WDR86: variants seen among roughly 807,000 people sequenced by gnomAD.
The protein encoded by WDR86 is WD repeat domain 86.
In WDR86, 30 loss-of-function variants were observed where a neutral mutation model predicts 36.5. That is an observed-to-expected ratio of 0.82 (90% CI 0.61 to 1.11). The LOEUF (loss-of-function observed/expected upper bound fraction) is 1.11. Ranked by LOEUF, WDR86 falls within the 50% of genes most tolerant of loss-of-function variation. WDR86 has a pLI of 0.00. For synonymous variants in WDR86, 255 were observed against 252.9 expected (o/e 1.01, Z -0.08); for missense variants, 545 against 561.2 (o/e 0.97, Z 0.29).
In WDR86 at chr7:151,406,499, C is replaced by T. The variant is rs758053681; in HGVS notation, c.163+2928G>A. On this transcript the variant is annotated intron_variant, in intron 1 of 5. Coordinates refer to ENST00000334493, the MANE Select transcript of WDR86 (RefSeq NM_198285.3). This position sits in a 1 kb window ranked among gnomAD's most constrained non-coding sequence, Gnocchi z 4.4. ...GCCCAGAGCTGTGCAAGGGCCAGGACGGAACCAAAGTGGAAAGAGATCTAG... is the reference window on the plus strand; with the variant it reads ...GCCCAGAGCTGTGCAAGGGCCAGGATGGAACCAAAGTGGAAAGAGATCTAG... Among the ~76,000 whole-genome samples, 6 of 152,140 alleles carry T rather than the reference C, an allele frequency of 3.9e-5. No individual in the cohort carries two copies. Among genetic ancestry groups the T allele is most frequent in the African/African-American group, 7.2e-5 (3 of 41,420 alleles).
chr7:151,407,502 C>T (rs1259287059), intron 1 of WDR86, among the ~76,000 whole-genome samples: 4 of 152,166 alleles, frequency 2.6e-5, no homozygotes, highest in East Asian at 1.9e-4. Context: ...CAGGGGCTCC[C>T]GGGGCCAGCT....
chr7:151,399,806 G>A (rs1163142727), intron 2 of WDR86, among the ~76,000 whole-genome samples: 1 of 152,228 alleles, frequency 6.6e-6, no homozygotes, highest in African/African-American at 2.4e-5. Flanking sequence ...GTAGGCTCTG[G>A]TGCTTTTCCC....
chr7:151,389,453 A>G (rs905764484), intron 3 of WDR86, among the ~76,000 whole-genome samples: 39 of 152,332 alleles, frequency 2.6e-4, no homozygotes, highest in African/African-American at 9.1e-4. Context: ...CGGCTCACTC[A>G]GGGTCCCAGC....
intron 1 of WDR86, among the ~76,000 whole-genome samples, chr7:151,408,016 C>T (rs1800848623): frequency 6.6e-6 from 1 of 152,014 alleles, no homozygotes; most frequent in Admixed American, 6.5e-5. Context: ...TAAAAGACCT[C>T]ATATTTTCCA....
chr7:151,388,321 A>G lies in WDR86; in HGVS notation c.727-3098T>C, dbSNP rs550069801. Reference sequence around the variant, plus strand: ...TTTACATTTGAAATGTTTTATAACTAAAATGTTTAAAACATCTCTGTAAAA... The same window carrying G: ...TTTACATTTGAAATGTTTTATAACTGAAATGTTTAAAACATCTCTGTAAAA... On this transcript the variant is annotated intron_variant, in intron 3 of 5. Coordinates refer to ENST00000334493, the MANE Select transcript of WDR86 (RefSeq NM_198285.3). The surrounding 1 kb of genome is among the most constrained non-coding windows in gnomAD (Gnocchi z 4.2). Among the ~76,000 whole-genome samples the G allele has an allele frequency of 6.6e-6, 1 of 152,400 alleles. No homozygotes were observed. The highest frequency in any genetic ancestry group is 1.5e-5 in the Non-Finnish European group (1 of 68,042).
downstream of WDR86, among the ~76,000 whole-genome samples, chr7:151,371,880 A>AT: frequency 6.6e-6 from 1 of 151,938 alleles, no homozygotes; most frequent in South Asian, 2.1e-4. Flanking sequence ...GCTGATTTTT[A>AT]TTTTTTTGTA....
At position 151,394,102 on chromosome 7, in the gene WDR86, G is replaced by A. The variant is rs144170609; in HGVS notation, c.726+1674C>T. ...CGGACAGACCCTGTGAGATGGGCCC[G>A]GACTGCTGTGCCCCTTCCCCACGAC... On this transcript the variant is annotated intron_variant, in intron 3 of 5. Transcript: ENST00000334493. Among the ~76,000 whole-genome samples the A allele has an allele frequency of 1.6e-4, 24 of 152,194 alleles. No individual in the cohort carries two copies. The East Asian group carries it at 3.3e-3, about 21-fold the overall frequency.
chr7:151,408,893 C>T, intron 1 of WDR86: 1 of 470,892 alleles, frequency 2.1e-6, no homozygotes, highest in Non-Finnish European at 4.4e-6. Flanking sequence ...TTACTTAACT[C>T]CCAGCCTGTT....
downstream of WDR86, among the ~76,000 whole-genome samples, chr7:151,379,164 G>A (rs1798445631): frequency 6.6e-6 from 1 of 152,216 alleles, no homozygotes; most frequent in Non-Finnish European, 1.5e-5. Context: ...GACAGTCTGA[G>A]TGTGACATGT....
Position 151,390,296 on chromosome 7 carries a change from C to G in WDR86, c.727-5073G>C, listed in dbSNP as rs771762053. Among the ~76,000 whole-genome samples, 13 of 152,268 alleles carry G rather than the reference C, an allele frequency of 8.5e-5. No homozygotes were observed. The highest frequency in any genetic ancestry group is 6.5e-4 in the Admixed American group (10 of 15,298). On this transcript the variant is annotated intron_variant, in intron 3 of 5. Transcript: ENST00000334493. This position sits in a 1 kb window ranked among gnomAD's most constrained non-coding sequence, Gnocchi z 4.5. Reference sequence around the variant, plus strand: ...AGCCCAGAGCTCACTGCACACCCCCCACATCAGGACCCCATCTGGCCACGC... The same window carrying G: ...AGCCCAGAGCTCACTGCACACCCCCGACATCAGGACCCCATCTGGCCACGC...
intron 3 of WDR86, among the ~76,000 whole-genome samples, 178 bp downstream of exon 3, chr7:151,395,598 G>T (rs1799760353): frequency 6.6e-6 from 1 of 152,096 alleles, no homozygotes; most frequent in South Asian, 2.1e-4. Flanking sequence ...AACCAGTACT[G>T]CGGACCCCTT....
intron 4 of WDR86, among the ~76,000 whole-genome samples, chr7:151,383,745 C>T (rs1174311988): frequency 6.6e-6 from 1 of 152,230 alleles, no homozygotes; most frequent in Non-Finnish European, 1.5e-5. Context: ...GCCTGGAAAA[C>T]CCAGTGTGGC....
At chr7:151,410,228 C>T (rs1169543048), upstream of WDR86, among the ~76,000 whole-genome samples, 4 of 152,138 alleles carry the variant, frequency 2.6e-5, no homozygotes. Flanking sequence ...CTGCCACCTC[C>T]GCCGCCGCCG....
Position 151,406,423 on chromosome 7 carries a change from C to T in WDR86, c.163+3004G>A, listed in dbSNP as rs1800708732. On this transcript the variant is annotated intron_variant, in intron 1 of 5. Transcript: ENST00000334493. The surrounding 1 kb of genome is among the most constrained non-coding windows in gnomAD (Gnocchi z 4.4). The stretch of plus-strand genomic sequence containing the variant: ...AAGCGTACGTAGGAGTCGCCAGCCC[C>T]AGCCACTCTGCTCGAGAAATCCAGG... Among the ~76,000 whole-genome samples, 1 of 152,228 alleles carries T rather than the reference C, an allele frequency of 6.6e-6. No individual in the cohort carries two copies. Among genetic ancestry groups the T allele is most frequent in the African/African-American group, 2.4e-5 (1 of 41,454 alleles).
intron 3 of WDR86, among the ~76,000 whole-genome samples, chr7:151,394,281 C>T (rs974485200): frequency 4.6e-5 from 7 of 152,190 alleles, no homozygotes; most frequent in Admixed American, 3.3e-4. Flanking sequence ...TCCCTCCACG[C>T]GAATGTGAGC....
downstream of WDR86, among the ~76,000 whole-genome samples, chr7:151,371,404 G>A (rs1473984549): frequency 5.1e-5 from 6 of 118,620 alleles, no homozygotes; most frequent in Admixed American, 2.5e-4. Flanking sequence ...GTCACAACAA[G>A]GGCCATAATC....
At chr7:151,402,070 A>AAAAAAAATATATATATATATAT in intron 1 of WDR86, among the ~76,000 whole-genome samples, 6 of 50,514 alleles carry the variant, frequency 1.2e-4, no homozygotes, top group Non-Finnish European at 1.3e-4. Flanking sequence ...AAAAAAAAAA[A>AAAAAAAATATATATATATATAT]ATATATATAT....
At chr7:151,386,223 T>TC (rs1798971446) in intron 3 of WDR86, among the ~76,000 whole-genome samples, 1 of 151,980 alleles carries the variant, frequency 6.6e-6, no homozygotes, top group Non-Finnish European at 1.5e-5. Flanking sequence ...CTCCTAACCT[T>TC]CCCCTCACGA....
intron 1 of WDR86, chr7:151,408,882 A>T: frequency 2.1e-6 from 1 of 469,426 alleles, no homozygotes; most frequent in South Asian, 1.6e-5. Context: ...ACCTGGGCGA[A>T]TTACTTAACT....
Sources: gnomAD v4.1 joint callset for allele counts (sites outside exome capture counted in the v4.1 genomes callset) on GRCh38, gnomAD v4.1.1 for gene constraint, Gnocchi (gnomAD v3.1) non-coding constraint, MANE v1.5 for transcripts, NCBI Gene and HGNC (gene_info 2026-07-23, HGNC 2026-07-21) for gene names.